Variants in PCDHA9 observed in about 807,000 individuals in gnomAD.
PCDHA9 encodes the protein protocadherin alpha 9, also known as protocadherin alpha-9.
A neutral mutation model predicts 62.0 loss-of-function variants in PCDHA9; 62 were observed. The observed-to-expected ratio is 1.00, with a 90% CI of 0.81 to 1.23. The LOEUF (loss-of-function observed/expected upper bound fraction) is 1.23. PCDHA9 is among the 50% of genes most tolerant of loss of function. The pLI is 0.00. For synonymous variants in PCDHA9, 557 were observed against 567.6 expected (o/e 0.98, Z 0.27); for missense variants, 1,205 against 1,249.8 (o/e 0.96, Z 0.54).
chr5:140,999,091 T>G (rs1342614556), intron 3 of PCDHA9, among the ~76,000 whole-genome samples: 1 of 152,208 alleles, frequency 6.6e-6, no homozygotes, highest in South Asian at 2.1e-4. Flanking sequence ...TTCAGAGGGC[T>G]ATGGAGAGTA....
chr5:140,980,762 T>C (rs1293384140), intron 2 of PCDHA9, among the ~76,000 whole-genome samples: 2 of 152,090 alleles, frequency 1.3e-5, no homozygotes, highest in Non-Finnish European at 2.9e-5. Context: ...AGAAATAAAA[T>C]AAAAATTGAA....
At chr5:140,927,915 C>T (rs200890211) in intron 1 of PCDHA9, 7 of 1,614,120 alleles carry the variant, frequency 4.3e-6, no homozygotes, top group Admixed American at 3.3e-5. Context: ...CCGAACTGGA[C>T]TTCCTGACTC....
chr5:140,883,486 A>G (rs2059636103), intron 1 of PCDHA9: 1 of 1,614,016 alleles, frequency 6.2e-7, no homozygotes, highest in Non-Finnish European at 8.5e-7. Context: ...ACTACTACTC[A>G]TTAGTGCTGG....
At chr5:140,958,133 G>T (rs1472500802) in intron 1 of PCDHA9, among the ~76,000 whole-genome samples, 2 of 152,046 alleles carry the variant, frequency 1.3e-5, no homozygotes, top group East Asian at 3.8e-4. Flanking sequence ...ATGTATCAGT[G>T]TGTATATTTA....
Position 141,010,284 on chromosome 5 carries a change from A to G in PCDHA9, c.*347A>G. 6.4e-7 allele frequency: 1 copy of G among 1,551,156 alleles called. No homozygotes were observed. Among genetic ancestry groups the G allele is most frequent in the Non-Finnish European group, 8.7e-7 (1 of 1,146,860 alleles). On this transcript the variant is annotated 3_prime_UTR_variant, in exon 4 of 4. Coordinates refer to ENST00000532602, the MANE Select transcript of PCDHA9 (RefSeq NM_031857.2). ...GCTCCGGGGATCCTGTCTTGATGACACTTGCAGGGCAGGCTGAAAAGTTTT... is the reference window on the plus strand; with the variant it reads ...GCTCCGGGGATCCTGTCTTGATGACGCTTGCAGGGCAGGCTGAAAAGTTTT...
chr5:140,900,502 C>T (rs1242310833), intron 1 of PCDHA9, among the ~76,000 whole-genome samples: 3 of 152,184 alleles, frequency 2.0e-5, no homozygotes, highest in Non-Finnish European at 4.4e-5. Context: ...GTCTCAAATT[C>T]CCAGCCTCAG....
At chr5:140,856,696 A>C (rs2044153599) in intron 1 of PCDHA9, 1 of 1,596,642 alleles carries the variant, frequency 6.3e-7, no homozygotes, top group Non-Finnish European at 8.6e-7. Flanking sequence ...CAACTGATGG[A>C]GGCAAACCTG....
At chr5:140,888,436 G>A (rs782695641) in intron 1 of PCDHA9, among the ~76,000 whole-genome samples, 5 of 152,104 alleles carry the variant, frequency 3.3e-5, no homozygotes, top group Non-Finnish European at 7.4e-5. Flanking sequence ...CAGGACAGCC[G>A]CCCAACAATA....
At chr5:140,864,895 G>T (rs1212830646) in intron 1 of PCDHA9, 1 of 152,160 alleles carries the variant, frequency 6.6e-6, no homozygotes, top group African/African-American at 2.4e-5. Context: ...AAGCTGCATG[G>T]TCTTCAGAAT....
intron 1 of PCDHA9, chr5:140,865,080 G>A (rs1166926722): frequency 6.6e-6 from 1 of 152,010 alleles, no homozygotes; most frequent in Non-Finnish European, 1.5e-5. Context: ...AAGAACCATG[G>A]GATATTAATA....
chr5:141,006,535 G>A (rs1473022946), intron 3 of PCDHA9, among the ~76,000 whole-genome samples: 1 of 152,118 alleles, frequency 6.6e-6, no homozygotes, highest in Non-Finnish European at 1.5e-5. Context: ...TTTTTAAAGA[G>A]AGACATTAAG....
intron 3 of PCDHA9, among the ~76,000 whole-genome samples, chr5:141,004,902 G>A (rs1554259808): frequency 1.3e-5 from 2 of 152,084 alleles, no homozygotes; most frequent in African/African-American, 4.8e-5. Flanking sequence ...GCTCTGCCAG[G>A]GTGTAAGGAA....
intron 1 of PCDHA9, chr5:140,855,857 C>T: frequency 1.4e-6 from 1 of 710,772 alleles, no homozygotes; most frequent in Non-Finnish European, 2.3e-6. Context: ...CACCGGATGT[C>T]GCTGTCGTCC....
chr5:140,995,434 A>G (rs146744164), intron 3 of PCDHA9, among the ~76,000 whole-genome samples: 4 of 152,320 alleles, frequency 2.6e-5, no homozygotes, highest in African/African-American at 7.2e-5. Context: ...ACAGCTTGCA[A>G]TTTAAAACTT....
chr5:140,945,001 G>GT (rs2093723326), intron 1 of PCDHA9, among the ~76,000 whole-genome samples: 1 of 151,990 alleles, frequency 6.6e-6, no homozygotes, highest in South Asian at 2.1e-4. Context: ...ACGGTTGTGG[G>GT]TCATGAATTA....
chr5:140,851,821 C>A, intron 1 of PCDHA9: 1 of 958,244 alleles, frequency 1.0e-6, no homozygotes, highest in Non-Finnish European at 1.3e-6. Context: ...AGACAGAAAT[C>A]TGTTTTTTTA....
At chr5:140,870,034 G>GA in intron 1 of PCDHA9, 6 of 1,613,690 alleles carry the variant, frequency 3.7e-6, no homozygotes, top group Non-Finnish European at 5.1e-6. Flanking sequence ...AGATTATGAA[G>GA]AAAACAAGTT....
intron 1 of PCDHA9, among the ~76,000 whole-genome samples, chr5:140,964,060 G>A (rs1187796756): frequency 6.6e-6 from 1 of 152,200 alleles, no homozygotes; most frequent in Non-Finnish European, 1.5e-5. Context: ...GTGTGGTCAA[G>A]GCATTAGTGT....
intron 1 of PCDHA9, chr5:140,860,447 A>T (rs1242809569): frequency 6.6e-6 from 1 of 152,198 alleles, no homozygotes; most frequent in East Asian, 1.9e-4. Context: ...TTTCATATTA[A>T]TTCACGTGAT....
Sources: gnomAD v4.1 joint callset for allele counts (sites outside exome capture counted in the v4.1 genomes callset) on GRCh38, gnomAD v4.1.1 for gene constraint, MANE v1.5 for transcripts, NCBI Gene and HGNC (gene_info 2026-07-23, HGNC 2026-07-21) for gene names.